Variants in SHISA6 observed in about 807,000 individuals in gnomAD.
SHISA6 encodes shisa family member 6.
In SHISA6, 22 loss-of-function variants were observed where a neutral mutation model predicts 47.9. The ratio of observed to expected loss-of-function variants is 0.46; its 90% CI spans 0.33 to 0.66. The LOEUF (loss-of-function observed/expected upper bound fraction) is 0.66. Ranked by LOEUF, SHISA6 falls within the 30% of genes least tolerant of loss-of-function variation. The pLI is 0.02. For synonymous variants in SHISA6, 388 were observed against 337.8 expected (o/e 1.15, Z -1.63); for missense variants, 680 against 764.6 (o/e 0.89, Z 1.30).
chr17:11,332,379 G>A (rs1382478103), intron 2 of SHISA6, among the ~76,000 whole-genome samples: 5 of 152,212 alleles, frequency 3.3e-5, no homozygotes, highest in African/African-American at 7.2e-5. Context: ...CTTTCTGTCC[G>A]TCCTTATGGG....
Position 11,503,144 on chromosome 17 carries a change from T to C in SHISA6, c.896-48752T>C, listed in dbSNP as rs3095687. Among the ~76,000 whole-genome samples the C allele has an allele frequency of 7.4e-3, 1,127 of 152,244 alleles. 26 individuals are homozygous for C. Among genetic ancestry groups the C allele is most frequent in the African/African-American group, 0.026 (1,078 of 41,516 alleles). The stretch of plus-strand genomic sequence containing the variant: ...GGTCATCTAGTCCTCATATAACAGA[T>C]GAAGAAACTGAGGCCCAGAGAGGTT... On this transcript the variant is annotated intron_variant, in intron 3 of 5. Coordinates refer to ENST00000441885, the MANE Select transcript of SHISA6 (RefSeq NM_207386.4).
chr17:11,350,174 A>ATTTTTTTTTTTTTT (rs1310542458), intron 2 of SHISA6, among the ~76,000 whole-genome samples: 8 of 100,420 alleles, frequency 8.0e-5, no homozygotes, highest in African/African-American at 3.4e-4. Flanking sequence ...TTATTTATTT[A>ATTTTTTTTTTTTTT]TTTATTTATT....
chr17:11,355,340 T>G (rs1312210406), intron 2 of SHISA6, among the ~76,000 whole-genome samples: 1 of 152,246 alleles, frequency 6.6e-6, no homozygotes, highest in Non-Finnish European at 1.5e-5. Context: ...ATCCTCCCTT[T>G]ACCTTGTACA....
chr17:11,270,469 G>T (rs554503328), intron 2 of SHISA6, among the ~76,000 whole-genome samples: 1 of 152,266 alleles, frequency 6.6e-6, no homozygotes, highest in Non-Finnish European at 1.5e-5. Context: ...AGACCAAATT[G>T]CCCCTTGGTT....
intron 3 of SHISA6, among the ~76,000 whole-genome samples, chr17:11,386,227 T>C (rs180881512): frequency 7.4e-4 from 113 of 152,120 alleles, no homozygotes; most frequent in Middle Eastern, 3.4e-3. Context: ...AATACAAAAT[T>C]AGCTGGGTGT....
intron 3 of SHISA6, among the ~76,000 whole-genome samples, chr17:11,461,410 A>AAAAAC (rs1915687274): frequency 6.7e-6 from 1 of 148,858 alleles, no homozygotes; most frequent in African/African-American, 2.5e-5. Context: ...AAAAAAAAAA[A>AAAAAC]AAAAAAAAAG....
intron 2 of SHISA6, among the ~76,000 whole-genome samples, chr17:11,309,045 GC>G (rs976307422): frequency 3.3e-5 from 5 of 152,092 alleles, no homozygotes; most frequent in African/African-American, 1.2e-4. Context: ...GCTCACTGCA[GC>G]CCCAAACTCC....
intron 3 of SHISA6, among the ~76,000 whole-genome samples, chr17:11,428,990 T>C (rs1914677499): frequency 6.6e-6 from 1 of 151,848 alleles, no homozygotes; most frequent in Non-Finnish European, 1.5e-5. Context: ...TTCACCATGT[T>C]AGCCAGGATG....
At chr17:11,303,019 G>A (rs371949982) in intron 2 of SHISA6, among the ~76,000 whole-genome samples, 2 of 152,300 alleles carry the variant, frequency 1.3e-5, no homozygotes, top group African/African-American at 2.4e-5. Context: ...AAAGAAAGAC[G>A]TCTGACTGAG....
At chr17:11,368,644 G>A (rs184883349) in intron 2 of SHISA6, among the ~76,000 whole-genome samples, 377 of 151,992 alleles carry the variant, frequency 2.5e-3, no homozygotes, top group Middle Eastern at 6.8e-3. Flanking sequence ...TTTGTTTTTC[G>A]TTTGTTCGGT....
At chr17:11,260,809 C>T (rs192436984) in intron 1 of SHISA6, among the ~76,000 whole-genome samples, 55 of 152,148 alleles carry the variant, frequency 3.6e-4, no homozygotes, top group African/African-American at 1.3e-3. Flanking sequence ...TCCTCTCTTT[C>T]TCTCTGGACC....
chr17:11,424,660 A>G (rs1419155894), intron 3 of SHISA6, among the ~76,000 whole-genome samples: 1 of 152,178 alleles, frequency 6.6e-6, no homozygotes, highest in African/African-American at 2.4e-5. Flanking sequence ...AGGGAAGGAA[A>G]AAGCAATGGG....
intron 3 of SHISA6, among the ~76,000 whole-genome samples, chr17:11,436,642 A>G (rs1438246120): frequency 6.6e-6 from 1 of 152,164 alleles, no homozygotes; most frequent in Non-Finnish European, 1.5e-5. Flanking sequence ...GAGGGGAGGC[A>G]CTCTCATGAA....
intron 3 of SHISA6, among the ~76,000 whole-genome samples, chr17:11,387,240 G>C (rs1913226609): frequency 6.6e-6 from 1 of 152,290 alleles, no homozygotes. Flanking sequence ...GGACTGGTTT[G>C]GGTATGGCCA....
At chr17:11,251,933 C>CA (rs1907827398) in intron 1 of SHISA6, among the ~76,000 whole-genome samples, 1 of 152,214 alleles carries the variant, frequency 6.6e-6, no homozygotes, top group African/African-American at 2.4e-5. Flanking sequence ...CAGCTGAACT[C>CA]ACATTCCCTG....
intron 3 of SHISA6, among the ~76,000 whole-genome samples, chr17:11,477,458 G>A (rs1336680456): frequency 1.3e-5 from 2 of 151,698 alleles, no homozygotes; most frequent in African/African-American, 2.4e-5. Flanking sequence ...TAGGGTACAT[G>A]TGCACATTGT....
intron 2 of SHISA6, among the ~76,000 whole-genome samples, chr17:11,341,004 C>T (rs7225753): frequency 0.11 from 16,212 of 152,154 alleles, 905 homozygotes; most frequent in African/African-American, 0.13. Flanking sequence ...GGAAGCAGCC[C>T]CAAGACTCCT....
At chr17:11,462,382 G>A (rs888778879) in intron 3 of SHISA6, among the ~76,000 whole-genome samples, 2 of 152,142 alleles carry the variant, frequency 1.3e-5, no homozygotes, top group African/African-American at 2.4e-5. Flanking sequence ...TATCCCAGCT[G>A]TCTCCCAAGT....
chr17:11,319,521 G>T (rs1163582187), intron 2 of SHISA6, among the ~76,000 whole-genome samples: 1 of 152,096 alleles, frequency 6.6e-6, no homozygotes, highest in Non-Finnish European at 1.5e-5. Context: ...TAGTTGGTTC[G>T]CTCTGATACA....
Sources: allele counts gnomAD v4.1 joint callset (sites outside exome capture counted in the v4.1 genomes callset), GRCh38; gene constraint gnomAD v4.1.1; transcripts MANE v1.5; gene names NCBI Gene and HGNC (gene_info 2026-07-23, HGNC 2026-07-21).